CYS1: variants seen among roughly 807,000 people sequenced by gnomAD.
The protein encoded by CYS1 is cystin-1.
In CYS1, 5 loss-of-function variants were observed where a neutral mutation model predicts 9.6. The observed-to-expected ratio is 0.52, with a 90% CI of 0.27 to 1.10. CYS1 has a LOEUF of 1.10. Ranked by LOEUF, CYS1 falls within the 50% of genes least tolerant of loss-of-function variation. The pLI is 0.11. For missense variants in CYS1, 221 were observed against 207.9 expected, an observed-to-expected ratio of 1.06 and a Z score of -0.39; for synonymous variants, 88 against 95.7, an observed-to-expected ratio of 0.92 and a Z score of 0.47.
At chr2:10,078,223 C>T (rs73913975) in intron 1 of CYS1, among the ~76,000 whole-genome samples, 12,674 of 152,216 alleles carry the variant, frequency 0.083, 728 homozygotes, top group South Asian at 0.16. Flanking sequence ...AAGCCTCTCA[C>T]CGCCACTGCC....
rs1272675229 is a variant in CYS1 at position 10,079,723 on chromosome 2, G to A, written c.318+183C>T. Among the ~76,000 whole-genome samples the A allele has an allele frequency of 6.6e-5, 10 of 152,016 alleles. No homozygotes were observed. In the East Asian group the frequency reaches 1.4e-3, roughly 21 times the overall value. On this transcript the variant is annotated intron_variant, in intron 1 of 2. Transcript: ENST00000381813. Reference sequence around the variant, plus strand: ...CCCCACGCCTGGACACAGACCCGGAGACGGGGCAGAGAGGGAGGAAACCTG... The same window carrying A: ...CCCCACGCCTGGACACAGACCCGGAAACGGGGCAGAGAGGGAGGAAACCTG...
In CYS1 at chr2:10,079,851, G is replaced by A. The variant is rs555268547; in HGVS notation, c.318+55C>T. On this transcript the variant is annotated intron_variant, in intron 1 of 2. Transcript: ENST00000381813. ...GCCCAGGGCTGGGGCGGGGACGCGC[G>A]GCCGGTGAGTGGGGTCCCCGCCGTC... The A allele has an allele frequency of 6.5e-4, 675 of 1,034,872 alleles. 2 individuals are homozygous for A. The African/African-American group carries it at 0.011, about 16-fold the overall frequency. The allele number at this position is 1,034,872 out of a possible 1,614,324, so 64.1% of individuals were successfully genotyped here. A position where few individuals can be genotyped will look rare whatever the true frequency, so the allele number is the denominator to read the frequency against.
rs1661652458 is a variant in CYS1 at position 10,063,289 on chromosome 2, G to C, written c.371+2615C>G. Among the ~76,000 whole-genome samples the C allele has an allele frequency of 6.6e-6, 1 of 152,178 alleles. No homozygotes were observed. The highest frequency in any genetic ancestry group is 2.4e-5 in the African/African-American group (1 of 41,436). On this transcript the variant is annotated intron_variant, in intron 2 of 2. Coordinates refer to ENST00000381813, the MANE Select transcript of CYS1 (RefSeq NM_001037160.3). The surrounding 1 kb of genome is among the most constrained non-coding windows in gnomAD (Gnocchi z 4.2). ...ATCACGTGGACCTACTACAGGAGAG[G>C]CCACATGTGGGAGGGGCTGGGAAGT... is the stretch of plus-strand genomic sequence containing the variant.
rs1661563387 is a variant in CYS1 at position 10,057,286 on chromosome 2, G to A, written c.*1567C>T. The A allele has an allele frequency of 6.6e-6, 1 of 152,264 alleles. No homozygotes were observed. Among genetic ancestry groups the A allele is most frequent in the East Asian group, 1.9e-4 (1 of 5,198 alleles). 9.4% of individuals were successfully genotyped at this position (152,264 alleles called of 1,614,324 possible). Reference sequence around the variant, plus strand: ...GCATAAGCAATGGCTCCCAGCTCTGGGGAGGGTTTGAGCCACGCCCTTGCG... The same window carrying A: ...GCATAAGCAATGGCTCCCAGCTCTGAGGAGGGTTTGAGCCACGCCCTTGCG... On this transcript the variant is annotated 3_prime_UTR_variant, in exon 3 of 3. Coordinates refer to ENST00000381813, the MANE Select transcript of CYS1 (RefSeq NM_001037160.3).
chr2:10,056,988 T>G lies in CYS1; in HGVS notation c.*1865A>C, dbSNP rs554312539. The G allele has an allele frequency of 1.3e-5, 2 of 152,352 alleles. No homozygotes were observed. Among genetic ancestry groups the G allele is most frequent in the South Asian group, 4.1e-4 (2 of 4,834 alleles). 9.4% of individuals were successfully genotyped at this position (152,352 alleles called of 1,614,324 possible). A position where few individuals can be genotyped will look rare whatever the true frequency, so the allele number is the denominator to read the frequency against. ...TTTACTTTGACATTGATATAGCTTG[T>G]AACTACTTTTGGAATTTTTTTCCCC... On this transcript the variant is annotated 3_prime_UTR_variant, in exon 3 of 3. Transcript: ENST00000381813.
At chr2:10,065,757 G>T in intron 2 of CYS1, 147 bp downstream of exon 2, 1 of 754,654 alleles carries the variant, frequency 1.3e-6, no homozygotes. Flanking sequence ...TCCCTTGAGG[G>T]CTAGGGCTTT....
intron 1 of CYS1, among the ~76,000 whole-genome samples, chr2:10,067,422 T>TTTTTTTG (rs1661713490): frequency 6.6e-6 from 1 of 150,588 alleles, no homozygotes; most frequent in Non-Finnish European, 1.5e-5. Context: ...TTTTTTTTTT[T>TTTTTTTG]TTTGAGACAG....
intron 2 of CYS1, among the ~76,000 whole-genome samples, chr2:10,065,165 G>A (rs1319792296): frequency 1.3e-5 from 2 of 152,302 alleles, no homozygotes; most frequent in East Asian, 1.9e-4. Flanking sequence ...CCTCAGCACC[G>A]CTGTGGGGCT....
At chr2:10,059,046 G>T (rs1572452717) in intron 2 of CYS1, 88 bp from the exon 3 acceptor site, 1 of 1,270,524 alleles carries the variant, frequency 7.9e-7, no homozygotes. Context: ...GGCTCCTAGT[G>T]GGCCCATCCT....
chr2:10,075,458 G>A (rs1661830307), intron 1 of CYS1, among the ~76,000 whole-genome samples: 1 of 152,294 alleles, frequency 6.6e-6, no homozygotes, highest in African/African-American at 2.4e-5. Context: ...ATTTAAATTT[G>A]TGTTCTTTGC....
chr2:10,079,459 C>T (rs1661906449), intron 1 of CYS1, among the ~76,000 whole-genome samples: 2 of 152,336 alleles, frequency 1.3e-5, no homozygotes, highest in African/African-American at 4.8e-5. Flanking sequence ...AAAGAGATTC[C>T]GCAGCATCCT....
In CYS1 at chr2:10,065,964, A is replaced by T. The variant is rs1254195683; in HGVS notation, c.319-8T>A. On this transcript the variant is annotated splice_polypyrimidine_tract_variant and splice_region_variant and intron_variant, in intron 1 of 2. Coordinates refer to ENST00000381813, the MANE Select transcript of CYS1 (RefSeq NM_001037160.3). ...GCTCTGCTCTGCGCACACCTTGAGAAAGATGAAATGAAGAGACATTCAAAG... is the reference window on the plus strand; with the variant it reads ...GCTCTGCTCTGCGCACACCTTGAGATAGATGAAATGAAGAGACATTCAAAG... 1.9e-6 allele frequency: 3 copies of T among 1,614,068 alleles called. No homozygotes were observed. In the African/African-American group the frequency reaches 4.0e-5, roughly 22 times the overall value.
chr2:10,076,605 C>G lies in CYS1; in HGVS notation c.318+3301G>C, dbSNP rs1361112779. ...AGCTGAGCACGCCCTCCGTCCTAAG[C>G]ACCTTCCTCCCTTGGCTTCCGGATG... is the stretch of plus-strand genomic sequence containing the variant. On this transcript the variant is annotated intron_variant, in intron 1 of 2. Coordinates refer to ENST00000381813, the MANE Select transcript of CYS1 (RefSeq NM_001037160.3). The surrounding 1 kb of genome is among the most constrained non-coding windows in gnomAD (Gnocchi z 4.3). Among the ~76,000 whole-genome samples, 1 of 152,210 alleles carries G rather than the reference C, an allele frequency of 6.6e-6. No homozygotes were observed. The highest frequency in any genetic ancestry group is 2.1e-4 in the South Asian group (1 of 4,834).
chr2:10,061,829 C>A (rs531223660), intron 2 of CYS1, among the ~76,000 whole-genome samples: 1 of 152,284 alleles, frequency 6.6e-6, no homozygotes, highest in African/African-American at 2.4e-5. Flanking sequence ...CTTAGAGAGC[C>A]AGGTGGGGCC....
At chr2:10,075,546 C>T (rs1661831250) in intron 1 of CYS1, among the ~76,000 whole-genome samples, 1 of 152,216 alleles carries the variant, frequency 6.6e-6, no homozygotes. Context: ...TTAAGTTACC[C>T]ATCACCTTGA....
intron 2 of CYS1, among the ~76,000 whole-genome samples, chr2:10,060,633 C>T (rs1169228303): frequency 2.6e-5 from 4 of 152,248 alleles, no homozygotes; most frequent in African/African-American, 9.6e-5. Flanking sequence ...CTGCAGGGCT[C>T]TTGGCACACT....
intron 1 of CYS1, among the ~76,000 whole-genome samples, chr2:10,072,371 C>T (rs1380943849): frequency 1.3e-5 from 2 of 152,216 alleles, no homozygotes; most frequent in Admixed American, 1.3e-4. Context: ...GCGTGAGCCA[C>T]CGTGCCCGTG....
rs552231788 is a variant in CYS1 at position 10,076,762 on chromosome 2, C to A, written c.318+3144G>T. 2.0e-5 allele frequency among the ~76,000 whole-genome samples: 3 copies of A among 152,252 alleles called. No homozygotes were observed. In the East Asian group the frequency reaches 5.8e-4, roughly 29 times the overall value. On this transcript the variant is annotated intron_variant, in intron 1 of 2. Coordinates refer to ENST00000381813, the MANE Select transcript of CYS1 (RefSeq NM_001037160.3). The surrounding 1 kb of genome is among the most constrained non-coding windows in gnomAD (Gnocchi z 4.3). ...TACACGAAGCTCCCAGGACAGAGCC[C>A]GGTGCCCATCCATGCTTCCTAAGCA...
chr2:10,079,587 G>A (rs1661909298), intron 1 of CYS1, among the ~76,000 whole-genome samples: 1 of 151,934 alleles, frequency 6.6e-6, no homozygotes, highest in Non-Finnish European at 1.5e-5. Context: ...CCGGCGCCCC[G>A]CTCCAGGGCG....
Sources: allele counts gnomAD v4.1 joint callset (sites outside exome capture counted in the v4.1 genomes callset), GRCh38; gene constraint gnomAD v4.1.1; non-coding constraint Gnocchi (gnomAD v3.1); transcripts MANE v1.5; gene names NCBI Gene and HGNC (gene_info 2026-07-23, HGNC 2026-07-21).